Variants in CACNA2D2 observed in about 807,000 individuals in gnomAD.
CACNA2D2 encodes calcium voltage-gated channel auxiliary subunit alpha2delta 2.
A neutral mutation model predicts 166.4 loss-of-function variants in CACNA2D2; 48 were observed. The observed-to-expected ratio is 0.29, with a 90% CI of 0.23 to 0.37. The LOEUF (loss-of-function observed/expected upper bound fraction) is 0.37. Among genes scored for constraint, CACNA2D2 ranks in the 10% least tolerant of loss-of-function variants. The pLI is 1.00. For missense variants in CACNA2D2, 1,122 were observed against 1,433.0 expected (o/e 0.78, Z 3.50); for synonymous variants, 561 against 573.7 (o/e 0.98, Z 0.32).
chr3:50,441,279 A>C (rs976511761), intron 2 of CACNA2D2, among the ~76,000 whole-genome samples: 29 of 151,240 alleles, frequency 1.9e-4, no homozygotes, highest in African/African-American at 7.0e-4. Flanking sequence ...CCCCACCACC[A>C]CCCCCAGCAA....
chr3:50,414,653 C>T (rs933360782), intron 3 of CACNA2D2, among the ~76,000 whole-genome samples: 15 of 152,346 alleles, frequency 9.8e-5, no homozygotes, highest in African/African-American at 3.1e-4. Flanking sequence ...CTTCCTTCTT[C>T]GGCTGTGGCC....
chr3:50,454,956 G>C (rs552066982), intron 2 of CACNA2D2, among the ~76,000 whole-genome samples: 39 of 152,294 alleles, frequency 2.6e-4, no homozygotes, highest in African/African-American at 8.9e-4. Flanking sequence ...AAGCCACCCA[G>C]CATTTCCAGG....
chr3:50,411,917 T>G (rs1707038297), intron 3 of CACNA2D2, among the ~76,000 whole-genome samples: 1 of 152,128 alleles, frequency 6.6e-6, no homozygotes, highest in Non-Finnish European at 1.5e-5. Context: ...CAGACCCTGC[T>G]CCTAGCAAAG....
At chr3:50,452,314 T>C (rs978698490) in intron 2 of CACNA2D2, among the ~76,000 whole-genome samples, 7 of 152,168 alleles carry the variant, frequency 4.6e-5, no homozygotes, top group Admixed American at 2.6e-4. Flanking sequence ...CCAAGAGTAC[T>C]CTCCAGTAAA....
At chr3:50,461,751 A>T (rs532542343) in intron 2 of CACNA2D2, among the ~76,000 whole-genome samples, 2 of 137,204 alleles carry the variant, frequency 1.5e-5, no homozygotes, top group South Asian at 4.6e-4. Context: ...GTCTCAAAAA[A>T]AAAAAAAAAA....
chr3:50,439,145 C>T (rs1708478219), intron 2 of CACNA2D2, among the ~76,000 whole-genome samples: 1 of 152,204 alleles, frequency 6.6e-6, no homozygotes, highest in South Asian at 2.1e-4. Flanking sequence ...AACTTGAAGG[C>T]AAAGCCATGG....
At chr3:50,386,165 CT>C (rs1705595315) in intron 5 of CACNA2D2, among the ~76,000 whole-genome samples, 1 of 152,206 alleles carries the variant, frequency 6.6e-6, no homozygotes, top group Non-Finnish European at 1.5e-5. Flanking sequence ...GAAAAGCTCT[CT>C]TTTCGGGCAA....
At chr3:50,384,580 C>T (rs899646229) in intron 5 of CACNA2D2, among the ~76,000 whole-genome samples, 3 of 151,668 alleles carry the variant, frequency 2.0e-5, no homozygotes, top group African/African-American at 7.3e-5. Flanking sequence ...ATCATCCCCA[C>T]ATTTGCTAAA....
intron 3 of CACNA2D2, chr3:50,416,025 T>C (rs2236965): frequency 0.29 from 43,781 of 152,246 alleles, 8,904 homozygotes; most frequent in African/African-American, 0.54. Context: ...CCCTGCAGCC[T>C]GTCAACAGCT....
At chr3:50,494,545 G>C (rs1194109673) in intron 1 of CACNA2D2, among the ~76,000 whole-genome samples, 1 of 152,144 alleles carries the variant, frequency 6.6e-6, no homozygotes, top group Non-Finnish European at 1.5e-5. Flanking sequence ...AACAGCACAG[G>C]GACATCAGAG....
intron 2 of CACNA2D2, among the ~76,000 whole-genome samples, chr3:50,451,529 G>A (rs944530436): frequency 1.3e-5 from 2 of 152,016 alleles, no homozygotes; most frequent in African/African-American, 2.4e-5. Flanking sequence ...CTCCATCCAC[G>A]CTAATTAACC....
intron 3 of CACNA2D2, among the ~76,000 whole-genome samples, chr3:50,412,731 C>A (rs1340964779): frequency 1.3e-5 from 2 of 152,144 alleles, no homozygotes; most frequent in Non-Finnish European, 2.9e-5. Flanking sequence ...AATATGGGAT[C>A]AATTTTTGAT....
In CACNA2D2 at chr3:50,375,548, G is replaced by T; in HGVS notation, c.1907+96C>A. ...CAGCCCTGGCCACTGGTGCCCCACT[G>T]GGATGGTGGTCACAGTGGGAGAGGG... is the stretch of plus-strand genomic sequence containing the variant. On this transcript the variant is annotated intron_variant, in intron 21 of 37. Transcript: ENST00000424201. This position sits in a 1 kb window ranked among gnomAD's most constrained non-coding sequence, Gnocchi z 4.0. The T allele has an allele frequency of 7.5e-7, 1 of 1,326,782 alleles. No homozygotes were observed. The highest frequency in any genetic ancestry group is 1.1e-6 in the Non-Finnish European group (1 of 933,768). The allele number at this position is 1,326,782 out of a possible 1,614,324, so 82.2% of individuals were successfully genotyped here.
intron 1 of CACNA2D2, among the ~76,000 whole-genome samples, chr3:50,490,715 T>C (rs573665053): frequency 2.0e-5 from 3 of 152,148 alleles, no homozygotes; most frequent in Non-Finnish European, 4.4e-5. Context: ...TCAGCACATA[T>C]GGATTGAGTA....
At chr3:50,435,461 A>T (rs1011714401) in intron 2 of CACNA2D2, among the ~76,000 whole-genome samples, 2 of 151,870 alleles carry the variant, frequency 1.3e-5, no homozygotes, top group African/African-American at 4.8e-5. Flanking sequence ...GGCTGCCACG[A>T]CTGAGCCGTG....
rs587722605 is a variant in CACNA2D2 at position 50,363,331 on chromosome 3, T to TC, written c.*1334dup. On this transcript the variant is annotated 3_prime_UTR_variant, in exon 38 of 38. Coordinates refer to ENST00000424201, the MANE Select transcript of CACNA2D2 (RefSeq NM_006030.4). ...GAAGCCATTAATTAATGCATCACCC[T>TC]CCCCCTCCTCCCAGTCCATCTGAGC... is the stretch of plus-strand genomic sequence containing the variant. 840 of 398,136 alleles carry TC rather than the reference T, an allele frequency of 2.1e-3. 7 individuals carry two copies. The highest frequency in any genetic ancestry group is 0.017 in the East Asian group (483 of 28,046). The allele number at this position is 398,136 out of a possible 1,614,324, so 24.7% of individuals were successfully genotyped here. A position where few individuals can be genotyped will look rare whatever the true frequency, so the allele number is the denominator to read the frequency against.
intron 1 of CACNA2D2, among the ~76,000 whole-genome samples, chr3:50,481,572 G>C (rs1225228702): frequency 6.6e-6 from 1 of 152,218 alleles, no homozygotes; most frequent in Non-Finnish European, 1.5e-5. Context: ...GAGGGAGCAG[G>C]CACAGTGAAG....
At chr3:50,472,562 C>A (rs905684070) in intron 2 of CACNA2D2, among the ~76,000 whole-genome samples, 5 of 151,916 alleles carry the variant, frequency 3.3e-5, no homozygotes, top group African/African-American at 9.7e-5. Flanking sequence ...GAATGCATCC[C>A]GGGGCTGGCA....
chr3:50,412,434 C>A (rs1164517880), intron 3 of CACNA2D2, among the ~76,000 whole-genome samples: 1 of 152,204 alleles, frequency 6.6e-6, no homozygotes, highest in Non-Finnish European at 1.5e-5. Context: ...CCCCCAATTA[C>A]CCCATTTTCT....
Sources: gnomAD v4.1 joint callset for allele counts (sites outside exome capture counted in the v4.1 genomes callset) on GRCh38, gnomAD v4.1.1 for gene constraint, Gnocchi (gnomAD v3.1) non-coding constraint, MANE v1.5 for transcripts, NCBI Gene and HGNC (gene_info 2026-07-23, HGNC 2026-07-21) for gene names.